Variants in CUX1 observed in about 807,000 individuals in gnomAD.
The protein encoded by CUX1 is protein CASP.
CUX1 carries 31 observed loss-of-function variants against 158.8 expected under a neutral mutation model. That is an observed-to-expected ratio of 0.20 (90% CI 0.15 to 0.26). The LOEUF is 0.26. Ranked by LOEUF, CUX1 falls within the 10% of genes least tolerant of loss-of-function variation. The pLI is 1.00. For synonymous variants in CUX1, 879 were observed against 862.1 expected (o/e 1.02, Z -0.34); for missense variants, 1,589 against 2,014.6 (o/e 0.79, Z 4.04).
At chr7:101,982,799 A>G (rs1278399839) in intron 2 of CUX1, among the ~76,000 whole-genome samples, 3 of 151,874 alleles carry the variant, frequency 2.0e-5, no homozygotes, top group Non-Finnish European at 4.4e-5. Flanking sequence ...GTATATATGT[A>G]CCATGTTGGT....
intron 1 of CUX1, among the ~76,000 whole-genome samples, chr7:101,881,676 C>A (rs973494196): frequency 1.8e-4 from 28 of 152,222 alleles, no homozygotes; most frequent in African/African-American, 6.5e-4. Context: ...GCCTTTTCAG[C>A]GATTTGACAG....
chr7:102,003,346 C>T (rs530775735), intron 2 of CUX1, among the ~76,000 whole-genome samples: 98 of 140,860 alleles, frequency 7.0e-4, no homozygotes, highest in Non-Finnish European at 1.2e-3. Context: ...GCCCGCCCCC[C>T]GCTCCACTGT....
chr7:102,050,995 C>T (rs391234), intron 3 of CUX1, among the ~76,000 whole-genome samples: 80,407 of 151,880 alleles, frequency 0.53, 23,559 homozygotes, highest in East Asian at 0.97. Context: ...CCTGAGTGAT[C>T]GCTTCATTTC....
intron 1 of CUX1, among the ~76,000 whole-genome samples, chr7:101,872,655 C>T (rs775018652): frequency 6.6e-6 from 1 of 151,706 alleles, no homozygotes; most frequent in Non-Finnish European, 1.5e-5. Context: ...AATAAAGCCA[C>T]ATACACTATC....
intron 1 of CUX1, among the ~76,000 whole-genome samples, chr7:101,867,672 C>A (rs987368078): frequency 2.0e-5 from 3 of 152,184 alleles, no homozygotes; most frequent in Non-Finnish European, 4.4e-5. Flanking sequence ...AGGTACCTCC[C>A]GGTAAGCAAC....
intron 4 of CUX1, among the ~76,000 whole-genome samples, chr7:102,095,143 G>A (rs1452144572): frequency 6.6e-6 from 1 of 151,952 alleles, no homozygotes; most frequent in Non-Finnish European, 1.5e-5. Context: ...GGGACTACAG[G>A]GGTATGCCAC....
chr7:102,201,402 C>G lies in CUX1; in HGVS notation c.2105C>G (p.Ser702Cys). 6.2e-7 allele frequency: 1 copy of G among 1,614,012 alleles called. No homozygotes were observed. Among genetic ancestry groups the G allele is most frequent in the Non-Finnish European group, 8.5e-7 (1 of 1,180,020 alleles). ...QPSSASGSGN[S>C]DDAIRSILQQ... is the part of the protein sequence containing the mutation. ...TCCTCCGCATCCGGCAGCGGGAACT[C>G]TGATGACGCCATCCGCTCCATCCTG... The change falls in exon 18 of 24, where the codon TCT (serine) becomes TGT (cysteine). Residue 702 changes from serine to cysteine, a missense_variant. Transcript: ENST00000292535. This position sits in a 1 kb window ranked among gnomAD's most constrained non-coding sequence, Gnocchi z 5.0.
intron 1 of CUX1, among the ~76,000 whole-genome samples, chr7:101,835,921 G>T (rs566398970): frequency 6.6e-6 from 1 of 152,266 alleles, no homozygotes; most frequent in African/African-American, 2.4e-5. Context: ...TAGAGACGAG[G>T]TTTCACCATG....
chr7:102,205,170 G>C lies in CUX1; in HGVS notation c.3130G>C (p.Glu1044Gln). Reference sequence around the variant, plus strand: ...GCTGCAGCAGGGCTGTGTGAGCTCAGGTAAGCAGCCAGTTTCTGTTGCTTT... The same window carrying C: ...GCTGCAGCAGGGCTGTGTGAGCTCACGTAAGCAGCCAGTTTCTGTTGCTTT... ...DPLQQGCVSSESTPKTSASCS... is the reference protein window; with the variant it reads ...DPLQQGCVSSQSTPKTSASCS... Residue 1044 changes from glutamate to glutamine, a missense_variant and splice_region_variant, in exon 20 of 24, where the codon GAA (glutamate) becomes CAA (glutamine). Around this residue, in one of 8 missense-constraint regions of CUX1, gnomAD observed 259 missense variants for 373.8 expected, o/e 0.69. Transcript: ENST00000292535. 2 of 1,607,736 alleles carry C rather than the reference G, an allele frequency of 1.2e-6. No homozygotes were observed. Among genetic ancestry groups the C allele is most frequent in the Non-Finnish European group, 1.7e-6 (2 of 1,175,110 alleles).
chr7:101,980,270 C>T (rs1257491116), intron 2 of CUX1, among the ~76,000 whole-genome samples: 2 of 152,148 alleles, frequency 1.3e-5, no homozygotes, highest in African/African-American at 4.8e-5. Flanking sequence ...CTTTGGGAGG[C>T]CAAAGTGGGA....
chr7:101,903,496 CAG>C (rs1802389642), intron 1 of CUX1, among the ~76,000 whole-genome samples: 1 of 152,202 alleles, frequency 6.6e-6, no homozygotes. Flanking sequence ...ACAGCCACAA[CAG>C]AGCAGTAAAG....
chr7:101,882,550 G>T (rs533000934), intron 1 of CUX1, among the ~76,000 whole-genome samples: 1 of 152,180 alleles, frequency 6.6e-6, no homozygotes, highest in African/African-American at 2.4e-5. Context: ...AAATAAAGCC[G>T]GGGTGCTGTT....
intron 12 of CUX1, among the ~76,000 whole-genome samples, 187 bp from the exon 13 acceptor site, chr7:102,193,655 A>C (rs1030527436): frequency 6.6e-6 from 1 of 152,220 alleles, no homozygotes; most frequent in Non-Finnish European, 1.5e-5. Flanking sequence ...AAATACAAAA[A>C]TTAGCTGGGC....
intron 1 of CUX1, among the ~76,000 whole-genome samples, chr7:101,863,598 G>T (rs770109001): frequency 6.6e-6 from 1 of 152,154 alleles, no homozygotes; most frequent in South Asian, 2.1e-4. Flanking sequence ...TGATCCACCC[G>T]CCTCGGCCTC....
At position 102,250,253 on chromosome 7, in the gene CUX1, A is replaced by G. The variant is rs781936614; in HGVS notation, c.*1211A>G. On this transcript the variant is annotated 3_prime_UTR_variant, in exon 24 of 24. Coordinates refer to ENST00000292535, the MANE Select transcript of CUX1 (RefSeq NM_181552.4). ...TCTGTGCGTCTGCACGTGTGCAAGC[A>G]TTGAAAGAAAGGAGAGAGTAGTCCG... The G allele has an allele frequency of 7.1e-6, 7 of 985,432 alleles. No individual in the cohort carries two copies. Among genetic ancestry groups the G allele is most frequent in the Non-Finnish European group, 8.4e-6 (7 of 829,948 alleles). The allele number at this position is 985,432 out of a possible 1,614,324, so 61.0% of individuals were successfully genotyped here.
chr7:102,197,206 C>T lies in CUX1; in HGVS notation c.1795C>T (p.Leu599=), dbSNP rs1794888067. The T allele has an allele frequency of 6.2e-7, 1 of 1,614,248 alleles. No individual in the cohort carries two copies. The highest frequency in any genetic ancestry group is 8.5e-7 in the Non-Finnish European group (1 of 1,180,046). ...ILARPKPWNK[L]TVRGKEPFHK... ...GGCCCGGCCCAAGCCATGGAATAAA[C>T]TGACTGTTCGTGGCAAGGAGCCATT... Residue 599 remains leucine, a synonymous_variant, in exon 15 of 24, where the codon CTG becomes TTG. Coordinates refer to ENST00000292535, the MANE Select transcript of CUX1 (RefSeq NM_181552.4).
chr7:102,267,673 G>A (rs954540827), intron 14 of CUX1, among the ~76,000 whole-genome samples: 29 of 152,120 alleles, frequency 1.9e-4, no homozygotes, highest in Admixed American at 5.2e-4. Flanking sequence ...TTTTTTGGGC[G>A]TGGTGCAGAG....
intron 18 of CUX1, among the ~76,000 whole-genome samples, chr7:102,203,001 C>G (rs1348097551): frequency 6.6e-6 from 1 of 152,328 alleles, no homozygotes; most frequent in East Asian, 1.9e-4. Context: ...GCGTCTCACT[C>G]TGTCGCCCAT....
At chr7:101,984,158 G>C in intron 2 of CUX1, among the ~76,000 whole-genome samples, 1 of 136,426 alleles carries the variant, frequency 7.3e-6, no homozygotes, top group Non-Finnish European at 1.6e-5. Context: ...ATGTGTGTGT[G>C]TGTGTGTGTG....
Sources: allele counts gnomAD v4.1 joint callset (sites outside exome capture counted in the v4.1 genomes callset), GRCh38; gene constraint gnomAD v4.1.1; regional missense constraint gnomAD v4.1.1; non-coding constraint Gnocchi (gnomAD v3.1); transcripts MANE v1.5; gene names NCBI Gene and HGNC (gene_info 2026-07-23, HGNC 2026-07-21).